GRID2: variants seen among roughly 807,000 people sequenced by gnomAD.
GRID2 encodes the protein glutamate ionotropic receptor delta type subunit 2.
GRID2 carries 33 observed loss-of-function variants against 114.8 expected under a neutral mutation model. The observed-to-expected ratio is 0.29, with a 90% CI of 0.22 to 0.38. GRID2 has a LOEUF of 0.38. Among genes scored for constraint, GRID2 ranks in the 10% least tolerant of loss-of-function variants. GRID2 has a pLI of 1.00. For synonymous variants in GRID2, 505 were observed against 449.9 expected (o/e 1.12, Z -1.55); for missense variants, 1,184 against 1,257.7 (o/e 0.94, Z 0.89).
chr4:92,965,323 A>G (rs951642191), intron 2 of GRID2, among the ~76,000 whole-genome samples: 1 of 151,758 alleles, frequency 6.6e-6, no homozygotes, highest in African/African-American at 2.4e-5. Context: ...AACAACAATG[A>G]AAAAGTTTGA....
intron 8 of GRID2, among the ~76,000 whole-genome samples, chr4:93,382,910 T>TC (rs1763992158): frequency 6.9e-6 from 1 of 145,032 alleles, no homozygotes; most frequent in Admixed American, 6.8e-5. Flanking sequence ...TCCTAGGTTT[T>TC]CCCCTTTTGT....
intron 1 of GRID2, among the ~76,000 whole-genome samples, chr4:92,491,082 T>C (rs1723125705): frequency 6.6e-6 from 1 of 152,212 alleles, no homozygotes; most frequent in Admixed American, 6.5e-5. Flanking sequence ...TAGTAAATTG[T>C]AGATCTTATA....
intron 8 of GRID2, among the ~76,000 whole-genome samples, chr4:93,241,338 G>C (rs1747485903): frequency 6.6e-6 from 1 of 151,378 alleles, no homozygotes; most frequent in Non-Finnish European, 1.5e-5. Flanking sequence ...ACCTTCTAGG[G>C]ATGATGTTGA....
intron 12 of GRID2, among the ~76,000 whole-genome samples, chr4:93,511,779 C>CTT (rs1157223214): frequency 4.4e-5 from 6 of 137,484 alleles, no homozygotes; most frequent in Non-Finnish European, 4.7e-5. Flanking sequence ...ATTCCTTCTT[C>CTT]TTTTTTTTTT....
chr4:92,845,191 G>T lies in GRID2; in HGVS notation c.245-239804G>T, dbSNP rs566700782. On this transcript the variant is annotated intron_variant, in intron 2 of 15. Transcript: ENST00000282020. ...ACACCCTGAAAACCACTGGAATAGAGGCACTTTGATTGATTTTTCTAAATG... is the reference window on the plus strand; with the variant it reads ...ACACCCTGAAAACCACTGGAATAGATGCACTTTGATTGATTTTTCTAAATG... Among the ~76,000 whole-genome samples, 23 of 152,174 alleles carry T rather than the reference G, an allele frequency of 1.5e-4. No homozygotes were observed. The South Asian group carries it at 4.6e-3, about 30-fold the overall frequency.
intron 14 of GRID2, among the ~76,000 whole-genome samples, chr4:93,677,251 C>T (rs577854922): frequency 0.013 from 1,911 of 152,246 alleles, 25 homozygotes; most frequent in Non-Finnish European, 0.018. Flanking sequence ...TGCCCAGGCT[C>T]CCTTAGGTAA....
intron 2 of GRID2, among the ~76,000 whole-genome samples, chr4:92,755,220 G>C (rs1737653847): frequency 6.6e-6 from 1 of 152,070 alleles, no homozygotes. Context: ...GTTAAACTTT[G>C]TTTCTGCCAT....
At chr4:92,510,858 T>TA (rs58768935) in intron 1 of GRID2, among the ~76,000 whole-genome samples, 41,532 of 143,916 alleles carry the variant, frequency 0.29, 7,162 homozygotes, top group East Asian at 0.67. Context: ...ATGTGTCAAT[T>TA]AAAAAAAAAA....
chr4:93,439,055 G>A (rs1337420401), intron 10 of GRID2, among the ~76,000 whole-genome samples: 2 of 152,016 alleles, frequency 1.3e-5, no homozygotes. Context: ...GTGTATATGT[G>A]CCACATTTTC....
chr4:92,803,237 A>G (rs1740258545), intron 2 of GRID2, among the ~76,000 whole-genome samples: 1 of 151,990 alleles, frequency 6.6e-6, no homozygotes, highest in African/African-American at 2.4e-5. Flanking sequence ...CCATTTTCAC[A>G]GTGAGACTAC....
intron 1 of GRID2, among the ~76,000 whole-genome samples, chr4:92,551,735 T>C (rs1469614782): frequency 1.3e-5 from 2 of 152,146 alleles, no homozygotes; most frequent in African/African-American, 4.8e-5. Flanking sequence ...GTTAATAACA[T>C]CAGACAATTA....
At chr4:93,658,728 G>T (rs1344250959) in intron 14 of GRID2, among the ~76,000 whole-genome samples, 2 of 152,188 alleles carry the variant, frequency 1.3e-5, no homozygotes, top group Non-Finnish European at 2.9e-5. Flanking sequence ...AGTCATAAGG[G>T]ATGAGGATGC....
At chr4:93,156,548 T>G (rs1425265539) in intron 4 of GRID2, among the ~76,000 whole-genome samples, 1 of 151,564 alleles carries the variant, frequency 6.6e-6, no homozygotes, top group African/African-American at 2.4e-5. Flanking sequence ...GGTGTTTGGA[T>G]GGGGAGGGTG....
chr4:93,172,304 G>A (rs1458106104), intron 4 of GRID2, among the ~76,000 whole-genome samples: 1 of 152,078 alleles, frequency 6.6e-6, no homozygotes, highest in East Asian at 1.9e-4. Context: ...TGAAAATAAT[G>A]AGAATTGGCC....
intron 1 of GRID2, among the ~76,000 whole-genome samples, chr4:92,456,047 T>C (rs1208249421): frequency 6.6e-6 from 1 of 152,088 alleles, no homozygotes; most frequent in Non-Finnish European, 1.5e-5. Flanking sequence ...TTTAGAACTT[T>C]CTCCCATCTT....
At chr4:92,661,803 G>A (rs1732533780) in intron 2 of GRID2, among the ~76,000 whole-genome samples, 1 of 150,962 alleles carries the variant, frequency 6.6e-6, no homozygotes, top group Admixed American at 6.6e-5. Context: ...ATTAAAAAGA[G>A]GGAAATACTG....
At chr4:92,809,090 A>G (rs755588796) in intron 2 of GRID2, among the ~76,000 whole-genome samples, 7 of 152,026 alleles carry the variant, frequency 4.6e-5, no homozygotes, top group Non-Finnish European at 8.8e-5. Flanking sequence ...AAATATTAAT[A>G]TAATATCTTG....
At chr4:93,398,540 G>T (rs1319467029) in intron 9 of GRID2, among the ~76,000 whole-genome samples, 1 of 151,792 alleles carries the variant, frequency 6.6e-6, no homozygotes, top group African/African-American at 2.4e-5. Context: ...GTTTTATTGG[G>T]AAGGATTGTA....
At chr4:93,333,755 C>A (rs549230679) in intron 8 of GRID2, among the ~76,000 whole-genome samples, 1 of 152,050 alleles carries the variant, frequency 6.6e-6, no homozygotes, top group Non-Finnish European at 1.5e-5. Flanking sequence ...AAGAAACATC[C>A]CTGGCTTCTC....
Sources: allele counts gnomAD v4.1 joint callset (sites outside exome capture counted in the v4.1 genomes callset), GRCh38; gene constraint gnomAD v4.1.1; transcripts MANE v1.5; gene names NCBI Gene and HGNC (gene_info 2026-07-23, HGNC 2026-07-21).